The following NEDD9 variants were observed in gnomAD, a reference collection of about 807,000 sequenced individuals.
NEDD9 encodes neural precursor cell expressed, developmentally down-regulated 9.
Under a neutral mutation model 76.6 loss-of-function variants are expected in NEDD9, and 26 were observed. The ratio of observed to expected loss-of-function variants is 0.34; its 90% confidence interval spans 0.25 to 0.47. The LOEUF (loss-of-function observed/expected upper bound fraction) is 0.47. Ranked by LOEUF, NEDD9 falls within the 20% of genes least tolerant of loss-of-function variation. NEDD9 has a pLI of 1.00. For missense variants in NEDD9, 937 were observed against 1,058.5 expected (o/e 0.89, Z 1.59); for synonymous variants, 392 against 414.2 (o/e 0.95, Z 0.65).
At chr6:11,331,732 G>A (rs1414704442) in intron 2 of NEDD9, among the ~76,000 whole-genome samples, 1 of 152,156 alleles carries the variant, frequency 6.6e-6, no homozygotes, top group African/African-American at 2.4e-5. Context: ...ATTTCATATG[G>A]CCACACTTGT....
chr6:11,280,313 C>G (rs1760508915), intron 3 of NEDD9, among the ~76,000 whole-genome samples: 1 of 152,232 alleles, frequency 6.6e-6, no homozygotes, highest in Non-Finnish European at 1.5e-5. Context: ...AGGTTGTTCA[C>G]TCCACCACTT....
At chr6:11,322,549 G>A (rs1761832338) in intron 2 of NEDD9, among the ~76,000 whole-genome samples, 1 of 152,116 alleles carries the variant, frequency 6.6e-6, no homozygotes, top group Non-Finnish European at 1.5e-5. Context: ...AGAGGAAGGA[G>A]GAAACCAGCT....
At chr6:11,220,334 GTC>G (rs1188455805) in intron 1 of NEDD9, among the ~76,000 whole-genome samples, 2 of 152,126 alleles carry the variant, frequency 1.3e-5, no homozygotes, top group African/African-American at 4.8e-5. Flanking sequence ...GAATCTTGAC[GTC>G]ATTCACTTTG....
rs1490190795 is a variant in NEDD9, at chr6:11,252,866, C to A, written c.13-39139G>T. 6.6e-6 allele frequency among the ~76,000 whole-genome samples: 1 copy of A among 152,034 alleles called. No homozygotes were observed. The highest frequency in any genetic ancestry group is 1.5e-5 in the Non-Finnish European group (1 of 68,006). On this transcript the variant is annotated intron_variant, in intron 3 of 3. Coordinates refer to the NEDD9 transcript ENST00000397378. The surrounding 1 kb of genome is among the most constrained non-coding windows in gnomAD (Gnocchi z 4.3). Reference sequence around the variant, plus strand: ...AAAATAAATAAATAAAAATTAGACACAGAAATGGAAGTGATAGGAATGTAT... The same window carrying A: ...AAAATAAATAAATAAAAATTAGACAAAGAAATGGAAGTGATAGGAATGTAT...
At chr6:11,223,006 C>T (rs1759191931) in intron 1 of NEDD9, among the ~76,000 whole-genome samples, 1 of 152,174 alleles carries the variant, frequency 6.6e-6, no homozygotes, top group Non-Finnish European at 1.5e-5. Flanking sequence ...TTTTGGTTGT[C>T]ACTGTGTGTG....
At chr6:11,266,860 A>G (rs1056727720) in intron 3 of NEDD9, among the ~76,000 whole-genome samples, 12 of 152,340 alleles carry the variant, frequency 7.9e-5, no homozygotes, top group African/African-American at 2.2e-4. Context: ...AATTGCATTC[A>G]GCAAGAAGTT....
intron 3 of NEDD9, among the ~76,000 whole-genome samples, chr6:11,256,195 A>C (rs575574552): frequency 6.6e-6 from 1 of 152,316 alleles, no homozygotes; most frequent in East Asian, 1.9e-4. Flanking sequence ...GCAGATTCAC[A>C]AGCCACCTGC....
chr6:11,188,932 A>G (rs1289066521), intron 5 of NEDD9, among the ~76,000 whole-genome samples: 2 of 148,508 alleles, frequency 1.3e-5, no homozygotes, highest in Non-Finnish European at 3.0e-5. Flanking sequence ...AGTCCTAAAC[A>G]ATGGATCTTG....
rs748258645 is a variant in NEDD9 at position 11,190,072 on chromosome 6, G to A, written c.1797C>T (p.His599=). The change falls in exon 5 of 7, where the codon CAC becomes CAT. Residue 599 remains histidine, a synonymous_variant. Coordinates refer to ENST00000379446, the MANE Select transcript of NEDD9 (RefSeq NM_006403.4). This position sits in a 1 kb window ranked among gnomAD's most constrained non-coding sequence, Gnocchi z 5.8. ...LHPGDHKAQA[H]NKALPPGLSK... ...TCAGGCCTGGGGGCAGTGCCTTGTTGTGGGCCTGGGCCTTGTGGTCACCAG... is the reference window on the plus strand; with the variant it reads ...TCAGGCCTGGGGGCAGTGCCTTGTTATGGGCCTGGGCCTTGTGGTCACCAG... The A allele has an allele frequency of 3.1e-6, 5 of 1,602,022 alleles. No homozygotes were observed. The highest frequency in any genetic ancestry group is 3.4e-6 in the Non-Finnish European group (4 of 1,173,264).
rs115552978 is a variant in NEDD9 at position 11,213,773 on chromosome 6, G to C, written c.13-46C>G. 8 of 1,579,140 alleles carry C rather than the reference G, an allele frequency of 5.1e-6. No homozygotes were observed. In the South Asian group the frequency reaches 6.8e-5, roughly 13 times the overall value. On this transcript the variant is annotated intron_variant, in intron 1 of 6. Transcript: ENST00000379446. This position sits in a 1 kb window ranked among gnomAD's most constrained non-coding sequence, Gnocchi z 5.4. ...GGAAACCGTGTTAGAATATTGGGTC[G>C]GTCCCTTTATCACCTAAGGCCCGTG...
intron 3 of NEDD9, among the ~76,000 whole-genome samples, chr6:11,303,217 C>A (rs985527193): frequency 1.3e-5 from 2 of 152,070 alleles, no homozygotes; most frequent in Admixed American, 1.3e-4. Flanking sequence ...TCCTATACAC[C>A]AATAATAGAC....
At chr6:11,378,464 A>G (rs923632763) in intron 1 of NEDD9, among the ~76,000 whole-genome samples, 1 of 152,200 alleles carries the variant, frequency 6.6e-6, no homozygotes. Context: ...TCAGGTATTT[A>G]TAGCCACACA....
rs1759709478 is a variant in NEDD9, at chr6:11,241,664, C to T, written c.13-27937G>A. On this transcript the variant is annotated intron_variant, in intron 3 of 3. Transcript: ENST00000397378. This position sits in a 1 kb window ranked among gnomAD's most constrained non-coding sequence, Gnocchi z 4.0. ...AGGGAGTGTTTTAAACACCAAATGG[C>T]CACTAGTAATGCCCAGGGTACCTCA... is the stretch of plus-strand genomic sequence containing the variant. Among the ~76,000 whole-genome samples, 1 of 152,144 alleles carries T rather than the reference C, an allele frequency of 6.6e-6. No individual in the cohort carries two copies. Among genetic ancestry groups the T allele is most frequent in the Non-Finnish European group, 1.5e-5 (1 of 68,026 alleles).
At position 11,252,470 on chromosome 6, in the gene NEDD9, A is replaced by G. The variant is rs1759931776; in HGVS notation, c.13-38743T>C. Among the ~76,000 whole-genome samples, 1 of 152,198 alleles carries G rather than the reference A, an allele frequency of 6.6e-6. No homozygotes were observed. The highest frequency in any genetic ancestry group is 6.5e-5 in the Admixed American group (1 of 15,284). Reference sequence around the variant, plus strand: ...AAGATCTATGTTAATAGAATTCTCTATGGCTCTCCATCCTTTAAACAAATT... The same window carrying G: ...AAGATCTATGTTAATAGAATTCTCTGTGGCTCTCCATCCTTTAAACAAATT... On this transcript the variant is annotated intron_variant, in intron 3 of 3. Coordinates refer to the NEDD9 transcript ENST00000397378. The surrounding 1 kb of genome is among the most constrained non-coding windows in gnomAD (Gnocchi z 4.3).
chr6:11,349,518 C>T (rs1257182196), intron 1 of NEDD9, among the ~76,000 whole-genome samples: 2 of 152,200 alleles, frequency 1.3e-5, no homozygotes, highest in Non-Finnish European at 2.9e-5. Context: ...ATGGAATCAA[C>T]CACAATGGCC....
intron 1 of NEDD9, among the ~76,000 whole-genome samples, chr6:11,215,375 A>C (rs995625581): frequency 6.6e-6 from 1 of 152,168 alleles, no homozygotes; most frequent in African/African-American, 2.4e-5. Context: ...GGAAGGTTTC[A>C]CTGGGTAGTT....
At chr6:11,341,161 G>T (rs951357435) in intron 1 of NEDD9, among the ~76,000 whole-genome samples, 3 of 152,148 alleles carry the variant, frequency 2.0e-5, no homozygotes, top group African/African-American at 7.2e-5. Flanking sequence ...AGACTATTTC[G>T]TCTCCTGTAA....
intron 2 of NEDD9, among the ~76,000 whole-genome samples, chr6:11,313,568 A>G (rs1761449121): frequency 6.7e-6 from 1 of 149,162 alleles, no homozygotes; most frequent in Non-Finnish European, 1.5e-5. Flanking sequence ...GGGTGGATAG[A>G]TGAATAGATG....
chr6:11,353,513 C>A (rs1762509493), intron 1 of NEDD9, among the ~76,000 whole-genome samples: 1 of 152,188 alleles, frequency 6.6e-6, no homozygotes, highest in Admixed American at 6.5e-5. Flanking sequence ...CTTGAAGGTT[C>A]AGAAAGAGCG....
Sources: allele counts gnomAD v4.1 joint callset (sites outside exome capture counted in the v4.1 genomes callset), GRCh38; gene constraint gnomAD v4.1.1; non-coding constraint Gnocchi (gnomAD v3.1); transcripts MANE v1.5; gene names NCBI Gene and HGNC (gene_info 2026-07-23, HGNC 2026-07-21).